PDXDC1: variants seen among roughly 807,000 people sequenced by gnomAD.
PDXDC1 encodes the protein pyridoxal dependent decarboxylase domain containing 1, also known as pyridoxal-dependent decarboxylase domain-containing protein 1.
A neutral mutation model predicts 100.1 loss-of-function variants in PDXDC1; 42 were observed. The observed-to-expected ratio is 0.42, with a 90% CI of 0.33 to 0.54. PDXDC1 has a LOEUF of 0.54. Among genes scored for constraint, PDXDC1 ranks in the 20% least tolerant of loss-of-function variants. The pLI, the probability that PDXDC1 is intolerant of heterozygous loss-of-function variation, is 0.10. For synonymous variants in PDXDC1, 260 were observed against 371.7 expected (o/e 0.70, Z 3.46); for missense variants, 636 against 979.2 (o/e 0.65, Z 4.68).
At chr16:15,074,754 C>G (rs760598707) in intron 16 of PDXDC1, 3 of 1,614,030 alleles carry the variant, frequency 1.9e-6, no homozygotes, top group Admixed American at 3.3e-5. Flanking sequence ...TCATGTAGGA[C>G]AAAACCAAAG....
intron 1 of PDXDC1, among the ~76,000 whole-genome samples, chr16:14,987,598 A>G (rs570542273): frequency 5.2e-5 from 8 of 152,400 alleles, no homozygotes; most frequent in Non-Finnish European, 8.8e-5. Flanking sequence ...AACTTGACAT[A>G]GAATACTGTT....
At chr16:15,106,485 G>A (rs2046802963) in intron 16 of PDXDC1, among the ~76,000 whole-genome samples, 1 of 149,760 alleles carries the variant, frequency 6.7e-6, no homozygotes, top group Admixed American at 6.7e-5. Context: ...GCCGGTCACG[G>A]TGGCTGATGC....
At chr16:15,066,866 G>C (rs527641508) in intron 16 of PDXDC1, among the ~76,000 whole-genome samples, 86 of 151,806 alleles carry the variant, frequency 5.7e-4, no homozygotes, top group African/African-American at 2.1e-3. Context: ...CCTGCTCTTA[G>C]CCTCACATCG....
At chr16:15,145,708 T>C in the PDXDC1 span, among the ~76,000 whole-genome samples, 1 of 152,204 alleles carries the variant, frequency 6.6e-6, no homozygotes, top group Non-Finnish European at 1.5e-5. Flanking sequence ...GAGCGAGGTG[T>C]TCTGGGAAAG....
chr16:15,144,242 T>C (rs957130136), downstream of PDXDC1, among the ~76,000 whole-genome samples: 21 of 152,320 alleles, frequency 1.4e-4, no homozygotes, highest in African/African-American at 4.1e-4. Flanking sequence ...CTGTGGCCCC[T>C]TCCTCGCTGG....
intron 16 of PDXDC1, chr16:15,061,820 A>G: frequency 6.2e-7 from 1 of 1,614,202 alleles, no homozygotes; most frequent in South Asian, 1.1e-5. Context: ...ATGCGTGTCA[A>G]AGGAGCTTGG....
intron 16 of PDXDC1, among the ~76,000 whole-genome samples, chr16:15,097,091 G>A (rs554339869): frequency 8.5e-5 from 13 of 152,136 alleles, no homozygotes; most frequent in South Asian, 2.1e-4. Context: ...GCCAGACTCC[G>A]TCTCTACAAA....
chr16:15,025,260 GAAAGA>G (rs2042503742), intron 13 of PDXDC1: 1 of 152,392 alleles, frequency 6.6e-6, no homozygotes, highest in Non-Finnish European at 1.5e-5. Context: ...TGAGTTCAAA[GAAAGA>G]AAAGATGATC....
rs765766531 is a variant in PDXDC1, at chr16:15,035,551, C to G, written c.2105C>G (p.Pro702Arg). ...PSGSRTKQRL[P>R]GQKPFKRSLR... ...GGCAGTCGCACCAAGCAGAGGCTTC[C>G]AGGTAAGTGACGCCTCTGCACCGAG... Residue 702 changes from proline to arginine, a missense_variant and splice_region_variant, in exon 22 of 23, where the codon CCA becomes CGA. Physicochemically the swap from Pro to Arg is moderately radical, Grantham distance 103. This residue lies in a region of PDXDC1 where 452 missense variants were observed against 402.9 expected (regional missense o/e 1.12). Coordinates refer to ENST00000396410, the MANE Select transcript of PDXDC1 (RefSeq NM_015027.4). 7 of 1,595,464 alleles carry G rather than the reference C, an allele frequency of 4.4e-6. No homozygotes were observed. The highest frequency in any genetic ancestry group is 2.6e-6 in the Non-Finnish European group (3 of 1,165,546).
At chr16:15,040,204 C>T, downstream of PDXDC1, 1 of 466,378 alleles carries the variant, frequency 2.1e-6, no homozygotes, top group Non-Finnish European at 3.8e-6. Context: ...TGGACTTCCC[C>T]CTCCCTGGAG....
intron 6 of PDXDC1, among the ~76,000 whole-genome samples, chr16:15,007,565 C>T (rs1208291245): frequency 2.0e-5 from 3 of 152,262 alleles, no homozygotes; most frequent in Non-Finnish European, 4.4e-5. Flanking sequence ...TTGCCAAGAA[C>T]GTTTGAAAGC....
chr16:15,065,213 A>C, intron 16 of PDXDC1: 1 of 1,601,074 alleles, frequency 6.2e-7, no homozygotes, highest in Non-Finnish European at 8.5e-7. Flanking sequence ...GTTTAAAAGT[A>C]CCTACCTCTT....
chr16:15,131,096 G>A lies in PDXDC1; in HGVS notation c.1400-7783G>A, dbSNP rs753208717. 141 of 1,607,130 alleles carry A rather than the reference G, an allele frequency of 8.8e-5. 2 individuals carry two copies. The highest frequency in any genetic ancestry group is 4.5e-4 in the Middle Eastern group (2 of 4,448). ...CACCCGCTGCACGCACCGTCCAGCA[G>A]CGTATAGTTGAGCTGCAGATGCAGC... On this transcript the variant is annotated intron_variant, in intron 16 of 16. Coordinates refer to the PDXDC1 transcript ENST00000535621.
At chr16:15,023,605 G>A (rs2042364897) in intron 13 of PDXDC1, among the ~76,000 whole-genome samples, 1 of 152,284 alleles carries the variant, frequency 6.6e-6, no homozygotes, top group African/African-American at 2.4e-5. Flanking sequence ...GTTGCAGTGA[G>A]CCGAGATTGC....
chr16:15,060,123 A>G, intron 16 of PDXDC1: 1 of 341,878 alleles, frequency 2.9e-6, no homozygotes, highest in Non-Finnish European at 5.7e-6. Flanking sequence ...TTTTTCACAA[A>G]CTCCTTTGAA....
intron 8 of PDXDC1, among the ~76,000 whole-genome samples, chr16:15,012,552 T>C (rs1441241679): frequency 6.6e-6 from 1 of 152,308 alleles, no homozygotes; most frequent in African/African-American, 2.4e-5. Flanking sequence ...ACTACATGTC[T>C]GTTAGAATGG....
chr16:15,101,184 GT>G (rs1374082262), intron 16 of PDXDC1, among the ~76,000 whole-genome samples: 5 of 152,156 alleles, frequency 3.3e-5, no homozygotes, highest in Non-Finnish European at 7.3e-5. Context: ...GACAGGGCAG[GT>G]TCTCCGTAAA....
At chr16:15,017,986 G>GT (rs1191920297) in intron 11 of PDXDC1, among the ~76,000 whole-genome samples, 1 of 152,156 alleles carries the variant, frequency 6.6e-6, no homozygotes, top group Non-Finnish European at 1.5e-5. Flanking sequence ...TAGAGGCAGT[G>GT]TTTCACCAAG....
chr16:14,983,029 A>G (rs1968355000), intron 1 of PDXDC1, among the ~76,000 whole-genome samples: 3 of 152,288 alleles, frequency 2.0e-5, no homozygotes, highest in South Asian at 2.1e-4. Flanking sequence ...TGTCTAATGC[A>G]TATGGTATAA....
Sources: gnomAD v4.1 joint callset for allele counts (sites outside exome capture counted in the v4.1 genomes callset) on GRCh38, gnomAD v4.1.1 for gene constraint, gnomAD v4.1.1 regional missense constraint, MANE v1.5 for transcripts, NCBI Gene and HGNC (gene_info 2026-07-23, HGNC 2026-07-21) for gene names.